Variants in DOCK2 observed in about 807,000 individuals in gnomAD.
DOCK2 encodes dedicator of cytokinesis protein 2.
A neutral mutation model predicts 248.9 loss-of-function variants in DOCK2; 87 were observed. The observed-to-expected ratio is 0.35, with a 90% CI of 0.29 to 0.42. The LOEUF (loss-of-function observed/expected upper bound fraction) is 0.42, where lower values mean the gene tolerates loss of function less well. Among genes scored for constraint, DOCK2 ranks in the 10% least tolerant of loss-of-function variants. The pLI is 1.00. For missense variants in DOCK2, 1,747 were observed against 2,300.2 expected (o/e 0.76, Z 4.92); for synonymous variants, 805 against 821.6 (o/e 0.98, Z 0.35).
chr5:169,915,027 G>A (rs1433707985), intron 27 of DOCK2, among the ~76,000 whole-genome samples: 1 of 152,226 alleles, frequency 6.6e-6, no homozygotes, highest in Non-Finnish European at 1.5e-5. Flanking sequence ...TCACAGCACA[G>A]TCAGTCCCTG....
At chr5:169,930,034 A>G (rs930722847) in intron 27 of DOCK2, among the ~76,000 whole-genome samples, 5 of 152,208 alleles carry the variant, frequency 3.3e-5, no homozygotes, top group Non-Finnish European at 4.4e-5. Flanking sequence ...CTCTGTCACC[A>G]GGCTGGAGTG....
intron 27 of DOCK2, among the ~76,000 whole-genome samples, chr5:169,885,341 A>T (rs1331710817): frequency 6.6e-6 from 1 of 152,192 alleles, no homozygotes; most frequent in Non-Finnish European, 1.5e-5. Flanking sequence ...ATAGGTGCTT[A>T]AGCAGAATTT....
intron 30 of DOCK2, among the ~76,000 whole-genome samples, chr5:170,003,543 C>A (rs1019597255): frequency 1.3e-5 from 2 of 152,214 alleles, no homozygotes; most frequent in African/African-American, 4.8e-5. Flanking sequence ...ATGAAGGAAG[C>A]GGGTCTTGAA....
intron 10 of DOCK2, 125 bp downstream of exon 10, chr5:169,696,063 C>T: frequency 7.7e-7 from 1 of 1,305,066 alleles, no homozygotes; most frequent in Non-Finnish European, 1.0e-6. Context: ...TTATGCCAGA[C>T]AGCCCTTAAT....
chr5:170,032,240 A>G (rs1234141159), intron 34 of DOCK2, among the ~76,000 whole-genome samples: 1 of 151,882 alleles, frequency 6.6e-6, no homozygotes, highest in Non-Finnish European at 1.5e-5. Context: ...GGGAGCCAGG[A>G]TTGTCTCTAT....
intron 22 of DOCK2, among the ~76,000 whole-genome samples, chr5:169,723,254 G>A (rs755299446): frequency 1.3e-5 from 2 of 152,170 alleles, no homozygotes; most frequent in Non-Finnish European, 2.9e-5. Context: ...CAGCTCAGAG[G>A]TGAAAGGCAC....
At chr5:169,757,151 C>T (rs1030468318) in intron 23 of DOCK2, among the ~76,000 whole-genome samples, 4 of 152,070 alleles carry the variant, frequency 2.6e-5, no homozygotes, top group East Asian at 3.9e-4. Context: ...ATCCACACAC[C>T]TCATCACTTC....
chr5:169,853,854 TAGAC>T (rs1460584220), intron 27 of DOCK2, among the ~76,000 whole-genome samples: 3 of 120,676 alleles, frequency 2.5e-5, no homozygotes, highest in African/African-American at 9.5e-5. Context: ...TTTTTTGTGG[TAGAC>T]AGAGTCTCAT....
chr5:169,806,395 TGCCTTG>T, intron 26 of DOCK2, among the ~76,000 whole-genome samples: 1 of 152,066 alleles, frequency 6.6e-6, no homozygotes, highest in Non-Finnish European at 1.5e-5. Context: ...GTGATCCTCC[TGCCTTG>T]GCCTCCCAAA....
intron 3 of DOCK2, among the ~76,000 whole-genome samples, chr5:169,670,048 A>T (rs1758955124): frequency 6.6e-6 from 1 of 152,214 alleles, no homozygotes; most frequent in African/African-American, 2.4e-5. Flanking sequence ...TCTCAAATCG[A>T]ACTAGCCCAA....
In DOCK2 at chr5:169,763,246, A is replaced by G. The variant is rs1226595262; in HGVS notation, c.2554+1621A>G. Among the ~76,000 whole-genome samples, 1 of 152,222 alleles carries G rather than the reference A, an allele frequency of 6.6e-6. No individual in the cohort carries two copies. On this transcript the variant is annotated intron_variant, in intron 25 of 51. Coordinates refer to ENST00000520908, the MANE Select transcript of DOCK2 (RefSeq NM_004946.3). The surrounding 1 kb of genome is among the most constrained non-coding windows in gnomAD (Gnocchi z 4.1). ...TTTAAAGTTCTGATTTCCACCTCCA[A>G]ATAAATTTCCCTCACCCCAAAAGCA...
At chr5:169,786,414 GC>G (rs1480806589) in intron 25 of DOCK2, among the ~76,000 whole-genome samples, 25 of 152,172 alleles carry the variant, frequency 1.6e-4, no homozygotes, top group Non-Finnish European at 1.5e-5. Flanking sequence ...TCCATTACCA[GC>G]CAGCTTGTTG....
chr5:169,945,725 A>G (rs1776423023), intron 27 of DOCK2, among the ~76,000 whole-genome samples: 1 of 152,156 alleles, frequency 6.6e-6, no homozygotes, highest in Admixed American at 6.5e-5. Context: ...TCATTCTTTC[A>G]GCCTGCAGAA....
At chr5:169,692,591 G>A (rs1250003626) in intron 9 of DOCK2, among the ~76,000 whole-genome samples, 2 of 151,562 alleles carry the variant, frequency 1.3e-5, no homozygotes, top group African/African-American at 4.9e-5. Flanking sequence ...CTTCCTTTGA[G>A]CAAGTAAAAA....
At chr5:169,969,971 A>G (rs1373023491) in intron 27 of DOCK2, among the ~76,000 whole-genome samples, 4 of 152,262 alleles carry the variant, frequency 2.6e-5, no homozygotes, top group Non-Finnish European at 5.9e-5. Context: ...TTTTAAAAAC[A>G]TGATGCTGGT....
At chr5:170,025,054 C>T (rs146640789) in intron 33 of DOCK2, among the ~76,000 whole-genome samples, 8 of 152,250 alleles carry the variant, frequency 5.3e-5, no homozygotes, top group Non-Finnish European at 8.8e-5. Flanking sequence ...TCTCCCCCTG[C>T]GCTGCTTTCT....
At chr5:170,026,666 T>C (rs145976233) in intron 33 of DOCK2, among the ~76,000 whole-genome samples, 7 of 152,244 alleles carry the variant, frequency 4.6e-5, no homozygotes, top group African/African-American at 1.4e-4. Flanking sequence ...TAAAAAGACG[T>C]TGGGTGACTT....
chr5:169,865,607 C>T (rs560954335), intron 27 of DOCK2, among the ~76,000 whole-genome samples: 2 of 152,274 alleles, frequency 1.3e-5, no homozygotes, highest in South Asian at 4.1e-4. Flanking sequence ...TATAAGAAAG[C>T]TCTTAAGCTT....
intron 9 of DOCK2, among the ~76,000 whole-genome samples, chr5:169,691,422 T>C (rs1760294927): frequency 6.6e-6 from 1 of 152,204 alleles, no homozygotes; most frequent in African/African-American, 2.4e-5. Context: ...ATCCAAGAGC[T>C]AGCCAATGAG....
Sources: allele counts gnomAD v4.1 joint callset (sites outside exome capture counted in the v4.1 genomes callset), GRCh38; gene constraint gnomAD v4.1.1; non-coding constraint Gnocchi (gnomAD v3.1); transcripts MANE v1.5; gene names NCBI Gene and HGNC (gene_info 2026-07-23, HGNC 2026-07-21).